MBNL2: variants seen among roughly 807,000 people sequenced by gnomAD.
The protein encoded by MBNL2 is muscleblind like splicing regulator 2, also known as muscleblind-like protein 2.
A neutral mutation model predicts 41.9 loss-of-function variants in MBNL2; 17 were observed. The ratio of observed to expected loss-of-function variants is 0.41; its 90% CI spans 0.28 to 0.61. The LOEUF (loss-of-function observed/expected upper bound fraction) is 0.61, where lower values mean the gene tolerates loss of function less well. MBNL2 is among the 20% of genes least tolerant of loss of function. MBNL2 has a pLI of 0.35. For synonymous variants in MBNL2, 195 were observed against 182.9 expected, an observed-to-expected ratio of 1.07 and a Z score of -0.53; for missense variants, 336 against 505.6, an observed-to-expected ratio of 0.66 and a Z score of 3.22.
chr13:97,149,444 G>T, the MBNL2 span, among the ~76,000 whole-genome samples: 1 of 152,186 alleles, frequency 6.6e-6, no homozygotes, highest in Middle Eastern at 3.4e-3. Flanking sequence ...ACCTCATTGG[G>T]CTATAGCTTC....
intron 1 of MBNL2, among the ~76,000 whole-genome samples, chr13:97,257,875 G>C (rs1483182443): frequency 6.6e-6 from 1 of 152,234 alleles, no homozygotes; most frequent in Non-Finnish European, 1.5e-5. Flanking sequence ...TCGCGCCCAA[G>C]GGCAGATCAG....
chr13:97,354,851 A>C (rs1276433616), intron 5 of MBNL2, among the ~76,000 whole-genome samples: 7 of 152,176 alleles, frequency 4.6e-5, no homozygotes, highest in Non-Finnish European at 5.9e-5. Flanking sequence ...GCAAATGGGA[A>C]GGGGAAAAAT....
chr13:97,335,203 A>G (rs544878450), intron 3 of MBNL2, among the ~76,000 whole-genome samples: 24 of 152,246 alleles, frequency 1.6e-4, no homozygotes, highest in African/African-American at 5.8e-4. Context: ...TTGTTTTAGG[A>G]ATGATATCCT....
At chr13:97,144,422 TC>T in the MBNL2 span, among the ~76,000 whole-genome samples, 3 of 98,710 alleles carry the variant, frequency 3.0e-5, no homozygotes, top group African/African-American at 1.0e-4. Flanking sequence ...ACATGATACT[TC>T]TTTTTTTTTT....
chr13:97,210,488 T>A, the MBNL2 span, among the ~76,000 whole-genome samples: 1 of 151,838 alleles, frequency 6.6e-6, no homozygotes, highest in Non-Finnish European at 1.5e-5. Context: ...TTTCTATTCA[T>A]TGACAGTGAA....
chr13:97,340,905 G>T (rs72637476), intron 3 of MBNL2, among the ~76,000 whole-genome samples: 33,158 of 152,076 alleles, frequency 0.22, 4,268 homozygotes, highest in Non-Finnish European at 0.29. Flanking sequence ...TTTGGGAAAT[G>T]AGTTTTGAGG....
the MBNL2 span, among the ~76,000 whole-genome samples, chr13:97,180,953 G>A: frequency 6.6e-6 from 1 of 151,990 alleles, no homozygotes; most frequent in African/African-American, 2.4e-5. Context: ...AGGCTCTAAG[G>A]GATAATCTAT....
At chr13:97,350,971 A>G (rs9513238) in intron 5 of MBNL2, among the ~76,000 whole-genome samples, 15,941 of 152,272 alleles carry the variant, frequency 0.1, 901 homozygotes, top group East Asian at 0.17. Flanking sequence ...GCCCAGCTTC[A>G]TCAGAGGAAT....
chr13:97,284,448 AG>A (rs1203488109), intron 2 of MBNL2, among the ~76,000 whole-genome samples: 2 of 152,050 alleles, frequency 1.3e-5, no homozygotes, highest in African/African-American at 4.8e-5. Context: ...CTGGTGTTTG[AG>A]TCTGTCGTCA....
intron 1 of MBNL2, among the ~76,000 whole-genome samples, chr13:97,252,656 ATATT>A (rs2046800518): frequency 1.3e-5 from 2 of 152,132 alleles, no homozygotes; most frequent in South Asian, 4.1e-4. Context: ...TTTCTATTAT[ATATT>A]CTACTTGATT....
At chr13:97,333,954 AGAAG>A (rs1188891589) in intron 2 of MBNL2, among the ~76,000 whole-genome samples, 143 of 110,346 alleles carry the variant, frequency 1.3e-3, no homozygotes, top group South Asian at 2.6e-3. Flanking sequence ...AAAGAAAGAA[AGAAG>A]GAAGGAAGGA....
At chr13:97,290,945 C>T (rs1291542514) in intron 2 of MBNL2, among the ~76,000 whole-genome samples, 4 of 152,090 alleles carry the variant, frequency 2.6e-5, no homozygotes, top group Non-Finnish European at 5.9e-5. Context: ...GAGATGAATG[C>T]GTTTTGCCAA....
chr13:97,367,130 G>A (rs1327842807), intron 8 of MBNL2, among the ~76,000 whole-genome samples: 2 of 152,192 alleles, frequency 1.3e-5, no homozygotes, highest in Non-Finnish European at 2.9e-5. Context: ...AAGAGTCATG[G>A]GTGCCGCTGA....
the MBNL2 span, among the ~76,000 whole-genome samples, chr13:97,188,094 C>T: frequency 8.9e-3 from 1,358 of 152,268 alleles, 20 homozygotes; most frequent in African/African-American, 0.031. Flanking sequence ...TCCCTAGATT[C>T]ACCCGCAGAG....
intron 1 of MBNL2, among the ~76,000 whole-genome samples, chr13:97,234,963 G>A (rs924653853): frequency 6.6e-6 from 1 of 152,084 alleles, no homozygotes; most frequent in Non-Finnish European, 1.5e-5. Flanking sequence ...TCAACAGCAG[G>A]CTGCACTAAC....
chr13:97,166,825 T>TAGAAAGAA, the MBNL2 span, among the ~76,000 whole-genome samples: 4 of 137,548 alleles, frequency 2.9e-5, no homozygotes, highest in Non-Finnish European at 4.7e-5. Context: ...GATAGATAGA[T>TAGAAAGAA]AGATAGATAG....
At chr13:97,204,604 ATACTT>A in the MBNL2 span, among the ~76,000 whole-genome samples, 2 of 152,308 alleles carry the variant, frequency 1.3e-5, no homozygotes, top group Admixed American at 6.5e-5. Context: ...AAAAAAAACT[ATACTT>A]TCTTAAGAAT....
chr13:97,308,791 C>T (rs1262154662), intron 2 of MBNL2, among the ~76,000 whole-genome samples: 1 of 152,198 alleles, frequency 6.6e-6, no homozygotes, highest in African/African-American at 2.4e-5. Flanking sequence ...CACTGAGAGG[C>T]ATGCAAGGAT....
chr13:97,203,606 C>A, the MBNL2 span, among the ~76,000 whole-genome samples: 15 of 152,114 alleles, frequency 9.9e-5, no homozygotes, highest in Non-Finnish European at 2.1e-4. Flanking sequence ...CAAATATTAC[C>A]CTCTTGGCAT....
Sources: gnomAD v4.1 joint callset for allele counts (sites outside exome capture counted in the v4.1 genomes callset) on GRCh38, gnomAD v4.1.1 for gene constraint, MANE v1.5 for transcripts, NCBI Gene and HGNC (gene_info 2026-07-23, HGNC 2026-07-21) for gene names.